Variants in ACYP2 observed in about 807,000 individuals in gnomAD.
ACYP2 encodes the protein acylphosphatase-2.
In ACYP2, 12 loss-of-function variants were observed where a neutral mutation model predicts 11.2. The ratio of observed to expected loss-of-function variants is 1.08; its 90% CI spans 0.69 to 1.74. The LOEUF (loss-of-function observed/expected upper bound fraction) is 1.74, where lower values mean the gene tolerates loss of function less well. Ranked by LOEUF, ACYP2 falls within the 40% of genes most tolerant of loss-of-function variation. The pLI, the probability that ACYP2 is intolerant of heterozygous loss-of-function variation, is 0.00. For missense variants in ACYP2, 134 were observed against 101.9 expected (o/e 1.31, Z -1.35); for synonymous variants, 43 against 32.2 (o/e 1.33, Z -1.13).
intron 2 of ACYP2, among the ~76,000 whole-genome samples, chr2:54,013,425 C>A (rs1056816741): frequency 6.6e-6 from 1 of 151,730 alleles, no homozygotes; most frequent in Admixed American, 6.6e-5. Flanking sequence ...CTCAGCCTCC[C>A]AAGTAGCTGG....
intron 6 of ACYP2, among the ~76,000 whole-genome samples, chr2:54,289,779 G>T (rs550538338): frequency 6.6e-6 from 1 of 151,902 alleles, no homozygotes; most frequent in East Asian, 1.9e-4. Context: ...AATCCTGGGA[G>T]GTTCAAAAGG....
At chr2:53,995,526 CAG>C (rs1672534628) in intron 2 of ACYP2, among the ~76,000 whole-genome samples, 1 of 96,210 alleles carries the variant, frequency 1.0e-5, no homozygotes, top group African/African-American at 3.6e-5. Context: ...ATTTTTGAGA[CAG>C]AGTCTCTTTC....
chr2:54,268,772 G>A (rs768130402), intron 6 of ACYP2, among the ~76,000 whole-genome samples: 19 of 152,062 alleles, frequency 1.2e-4, no homozygotes, highest in Non-Finnish European at 2.5e-4. Context: ...TGGCAGCACT[G>A]CACTCCAGCC....
intron 6 of ACYP2, among the ~76,000 whole-genome samples, chr2:54,206,394 C>A (rs1456537796): frequency 6.6e-6 from 1 of 152,150 alleles, no homozygotes; most frequent in African/African-American, 2.4e-5. Flanking sequence ...ATTCTCCTAT[C>A]CACTTAAAAT....
Position 54,012,558 on chromosome 2 carries a change from C to T in ACYP2, c.63-38400C>T, listed in dbSNP as rs150960940. 7.2e-5 allele frequency among the ~76,000 whole-genome samples: 11 copies of T among 152,286 alleles called. No individual in the cohort carries two copies. The East Asian group carries it at 2.1e-3, about 29-fold the overall frequency. Reference sequence around the variant, plus strand: ...AAAGCATTTTGTATTTGTCTCTCTGCTCTCCCTATGCTGACTAGAAGCATG... The same window carrying T: ...AAAGCATTTTGTATTTGTCTCTCTGTTCTCCCTATGCTGACTAGAAGCATG... On this transcript the variant is annotated intron_variant, in intron 2 of 6. Coordinates refer to ENST00000607452, the MANE Select transcript of ACYP2 (RefSeq NM_001320586.2).
chr2:54,055,775 A>G (rs1676109238), intron 3 of ACYP2, among the ~76,000 whole-genome samples: 1 of 152,238 alleles, frequency 6.6e-6, no homozygotes, highest in African/African-American at 2.4e-5. Context: ...AGAGAGAACA[A>G]TGCATCTAAG....
intron 6 of ACYP2, among the ~76,000 whole-genome samples, chr2:54,228,645 G>A (rs1686105981): frequency 6.6e-6 from 1 of 151,824 alleles, no homozygotes; most frequent in Non-Finnish European, 1.5e-5. Flanking sequence ...CTGAGGCCAA[G>A]TTCTAAATTG....
chr2:54,035,397 C>A (rs1024974984), intron 2 of ACYP2, among the ~76,000 whole-genome samples: 64 of 151,484 alleles, frequency 4.2e-4, no homozygotes, highest in Admixed American at 3.5e-3. Flanking sequence ...TTCCGAGTAG[C>A]TGGGAGTACA....
intron 4 of ACYP2, among the ~76,000 whole-genome samples, chr2:54,078,809 G>A (rs183865467): frequency 6.6e-6 from 1 of 152,154 alleles, no homozygotes; most frequent in Non-Finnish European, 1.5e-5. Context: ...TGTTGGCCAG[G>A]CTGGTCTGGA....
intron 6 of ACYP2, among the ~76,000 whole-genome samples, chr2:54,248,152 T>A (rs1572988724): frequency 6.6e-6 from 1 of 152,344 alleles, no homozygotes; most frequent in African/African-American, 2.4e-5. Flanking sequence ...GCCTCCTTTC[T>A]GAGAATTAGA....
At chr2:54,202,470 C>T (rs1271610423) in intron 6 of ACYP2, among the ~76,000 whole-genome samples, 5 of 140,910 alleles carry the variant, frequency 3.5e-5, no homozygotes, top group African/African-American at 8.1e-5. Context: ...TGCAATGGCT[C>T]GATCTCACCT....
At position 54,038,383 on chromosome 2, in the gene ACYP2, C is replaced by A. The variant is rs1315702318; in HGVS notation, c.63-12575C>A. 2.0e-5 allele frequency among the ~76,000 whole-genome samples: 3 copies of A among 152,052 alleles called. No individual in the cohort carries two copies. In the East Asian group the frequency reaches 5.8e-4, roughly 29 times the overall value. ...TTTTGCAAATATATCTTACTTTCCA[C>A]TATATGTGAGCTTCTTGAGGGCAGG... On this transcript the variant is annotated intron_variant, in intron 2 of 6. Coordinates refer to ENST00000607452, the MANE Select transcript of ACYP2 (RefSeq NM_001320586.2).
In ACYP2 at chr2:54,160,698, G is replaced by A. The variant is rs577417147; in HGVS notation, c.404+21950G>A. On this transcript the variant is annotated intron_variant, in intron 6 of 6. Coordinates refer to ENST00000607452, the MANE Select transcript of ACYP2 (RefSeq NM_001320586.2). ...TTTGGGAACATGTGACTGGAACATAGGCAGATGACAGACTACTGGAAACTG... is the reference window on the plus strand; with the variant it reads ...TTTGGGAACATGTGACTGGAACATAAGCAGATGACAGACTACTGGAAACTG... Among the ~76,000 whole-genome samples the A allele has an allele frequency of 2.6e-5, 4 of 152,324 alleles. 1 individual carries two copies. The highest frequency in any genetic ancestry group is 9.6e-5 in the African/African-American group (4 of 41,564).
At chr2:54,075,259 A>C (rs1258572626) in intron 4 of ACYP2, among the ~76,000 whole-genome samples, 1 of 152,152 alleles carries the variant, frequency 6.6e-6, no homozygotes, top group Admixed American at 6.5e-5. Context: ...AGCAGTTTGT[A>C]AGGCCTAGGA....
chr2:54,043,072 GGTGTGTGT>G (rs58940352), intron 2 of ACYP2, among the ~76,000 whole-genome samples: 24 of 148,988 alleles, frequency 1.6e-4, no homozygotes, highest in African/African-American at 3.9e-4. Flanking sequence ...GTGTGTGTGG[GGTGTGTGT>G]GTGTGTGTGT....
intron 6 of ACYP2, among the ~76,000 whole-genome samples, chr2:54,169,408 G>A (rs374000822): frequency 2.0e-4 from 30 of 152,014 alleles, no homozygotes; most frequent in African/African-American, 6.3e-4. Flanking sequence ...GCTCACCTTC[G>A]TTTGGATCCT....
intron 4 of ACYP2, among the ~76,000 whole-genome samples, chr2:54,126,644 T>C (rs1302366279): frequency 7.2e-6 from 1 of 138,164 alleles, no homozygotes; most frequent in Admixed American, 7.3e-5. Context: ...ACTCTAAAAC[T>C]CTTTACAAAG....
intron 6 of ACYP2, among the ~76,000 whole-genome samples, chr2:54,230,021 C>T (rs1482012207): frequency 2.0e-5 from 3 of 151,972 alleles, no homozygotes; most frequent in Non-Finnish European, 4.4e-5. Flanking sequence ...TTTATTTGAC[C>T]CTATATATTG....
At chr2:54,267,611 A>G (rs115633282) in intron 6 of ACYP2, among the ~76,000 whole-genome samples, 14 of 152,326 alleles carry the variant, frequency 9.2e-5, no homozygotes, top group African/African-American at 3.4e-4. Flanking sequence ...CATTCTGGAA[A>G]ATGAGACAGG....
Sources: gnomAD v4.1 joint callset for allele counts (sites outside exome capture counted in the v4.1 genomes callset) on GRCh38, gnomAD v4.1.1 for gene constraint, MANE v1.5 for transcripts, NCBI Gene and HGNC (gene_info 2026-07-23, HGNC 2026-07-21) for gene names.